Variants in EIPR1 observed in about 807,000 individuals in gnomAD.
The protein encoded by EIPR1 is EARP and GARP complex-interacting protein 1.
In EIPR1, 25 loss-of-function variants were observed where a neutral mutation model predicts 48.1. That is an observed-to-expected ratio of 0.52 (90% CI 0.38 to 0.73). The LOEUF (loss-of-function observed/expected upper bound fraction) is 0.73. EIPR1 is among the 30% of genes least tolerant of loss of function. The pLI, the probability that EIPR1 is intolerant of heterozygous loss-of-function variation, is 0.00. For missense variants in EIPR1, 415 were observed against 506.2 expected, an observed-to-expected ratio of 0.82 and a Z score of 1.73; for synonymous variants, 204 against 201.9, an observed-to-expected ratio of 1.01 and a Z score of -0.09.
chr2:3,337,457 T>C (rs1670101946), intron 3 of EIPR1, among the ~76,000 whole-genome samples: 1 of 152,144 alleles, frequency 6.6e-6, no homozygotes, highest in South Asian at 2.1e-4. Flanking sequence ...TAGAAAGTAC[T>C]CATTGACGAT....
intron 3 of EIPR1, among the ~76,000 whole-genome samples, chr2:3,266,959 A>G (rs1471972750): frequency 6.6e-6 from 1 of 152,180 alleles, no homozygotes; most frequent in Non-Finnish European, 1.5e-5. Context: ...AGTTTAGGGG[A>G]ACCCAGGTCC....
At chr2:3,307,463 GA>G (rs1308787276) in intron 3 of EIPR1, among the ~76,000 whole-genome samples, 1 of 152,212 alleles carries the variant, frequency 6.6e-6, no homozygotes, top group Non-Finnish European at 1.5e-5. Context: ...TGGGGCCCCA[GA>G]AAGCAGGCCT....
intron 1 of EIPR1, among the ~76,000 whole-genome samples, chr2:3,375,440 A>G (rs1365917355): frequency 1.3e-5 from 2 of 152,204 alleles, no homozygotes; most frequent in East Asian, 3.8e-4. Context: ...AACCTCAAAG[A>G]TACAATACTG....
At chr2:3,336,254 A>G (rs1193373494) in intron 3 of EIPR1, among the ~76,000 whole-genome samples, 1 of 152,188 alleles carries the variant, frequency 6.6e-6, no homozygotes, top group African/African-American at 2.4e-5. Flanking sequence ...AGCCTCAGGA[A>G]ATCTACTGAA....
At chr2:3,190,250 G>A (rs1044710192) in intron 8 of EIPR1, among the ~76,000 whole-genome samples, 4 of 152,206 alleles carry the variant, frequency 2.6e-5, no homozygotes, top group Non-Finnish European at 5.9e-5. Flanking sequence ...CCACTTTCCG[G>A]TGGACACAGG....
At chr2:3,299,048 T>C (rs762568042) in intron 3 of EIPR1, among the ~76,000 whole-genome samples, 2 of 152,176 alleles carry the variant, frequency 1.3e-5, no homozygotes, top group Non-Finnish European at 2.9e-5. Context: ...AGCCCCACCA[T>C]AGCACTATTA....
intron 1 of EIPR1, among the ~76,000 whole-genome samples, chr2:3,357,332 G>C (rs1258967441): frequency 2.0e-5 from 3 of 152,210 alleles, no homozygotes; most frequent in Non-Finnish European, 4.4e-5. Flanking sequence ...AGTAACAATG[G>C]CAGCTGTGAG....
chr2:3,208,628 G>A, intron 5 of EIPR1: 1 of 1,550,616 alleles, frequency 6.4e-7, no homozygotes. Flanking sequence ...ATTTGGCCAT[G>A]GCATTCTGGT....
At chr2:3,322,610 C>T (rs1028279682) in intron 3 of EIPR1, among the ~76,000 whole-genome samples, 10 of 152,304 alleles carry the variant, frequency 6.6e-5, no homozygotes, top group South Asian at 6.2e-4. Context: ...TGACTGTGGA[C>T]GCCCTAACTT....
intron 4 of EIPR1, among the ~76,000 whole-genome samples, chr2:3,246,720 C>T (rs1212814246): frequency 6.7e-6 from 1 of 148,840 alleles, no homozygotes; most frequent in African/African-American, 2.5e-5. Context: ...AGCCTCCTCC[C>T]TGCCGGGGTG....
chr2:3,228,734 C>T (rs931566679), intron 4 of EIPR1, among the ~76,000 whole-genome samples: 1 of 150,016 alleles, frequency 6.7e-6, no homozygotes, highest in African/African-American at 2.5e-5. Flanking sequence ...TTCTCCCATG[C>T]TGTTCTTGTG....
At chr2:3,298,463 G>T (rs963826256) in intron 3 of EIPR1, 1 of 152,002 alleles carries the variant, frequency 6.6e-6, no homozygotes, top group Non-Finnish European at 1.5e-5. Flanking sequence ...TCATGCCCTT[G>T]AAAGAGATAA....
At chr2:3,315,139 C>T (rs1231166961) in intron 3 of EIPR1, among the ~76,000 whole-genome samples, 2 of 112,946 alleles carry the variant, frequency 1.8e-5, no homozygotes, top group Non-Finnish European at 3.3e-5. Flanking sequence ...ATCATCATCA[C>T]TAGCATCGCC....
At chr2:3,352,597 T>A (rs190116449) in intron 2 of EIPR1, among the ~76,000 whole-genome samples, 177 of 152,372 alleles carry the variant, frequency 1.2e-3, no homozygotes, top group Non-Finnish European at 2.2e-3. Flanking sequence ...TGTTGACATA[T>A]CCTCTGAAGG....
chr2:3,199,278 T>C (rs1025657576), intron 5 of EIPR1, among the ~76,000 whole-genome samples: 1 of 152,168 alleles, frequency 6.6e-6, no homozygotes, highest in African/African-American at 2.4e-5. Flanking sequence ...AGATTTCATA[T>C]TGTTCAAACA....
chr2:3,311,720 G>A (rs1293301055), intron 3 of EIPR1, among the ~76,000 whole-genome samples: 1 of 151,950 alleles, frequency 6.6e-6, no homozygotes, highest in Non-Finnish European at 1.5e-5. Context: ...CTCCAGTCAC[G>A]AGGTGTGGGC....
intron 3 of EIPR1, among the ~76,000 whole-genome samples, chr2:3,310,944 T>C (rs1669111535): frequency 6.6e-6 from 1 of 152,070 alleles, no homozygotes; most frequent in Non-Finnish European, 1.5e-5. Flanking sequence ...GGGTAAAAAA[T>C]AAATTTTTCT....
Position 3,192,458 on chromosome 2 carries a change from G to C in EIPR1, c.945C>G (p.Asp315Glu). The C allele has an allele frequency of 2.5e-6, 4 of 1,612,830 alleles. No individual in the cohort carries two copies. Among genetic ancestry groups the C allele is most frequent in the Non-Finnish European group, 3.4e-6 (4 of 1,179,678 alleles). The change falls in exon 8 of 9, where the codon GAC (aspartate) becomes GAG (glutamate). Residue 315 changes from aspartate (D) to glutamate (E), a missense_variant. Coordinates refer to ENST00000382125, the MANE Select transcript of EIPR1 (RefSeq NM_003310.5). Reference sequence around the variant, plus strand: ...CCTCCTGGTCACTGATGTCATCGTCGTCTACCAAGTGGCCGAAGGGCTCCG... The same window carrying C: ...CCTCCTGGTCACTGATGTCATCGTCCTCTACCAAGTGGCCGAAGGGCTCCG... ...ISSEPFGHLV[D>E]DDDISDQEDH...
intron 3 of EIPR1, among the ~76,000 whole-genome samples, chr2:3,330,647 G>A (rs1669860149): frequency 6.6e-6 from 1 of 151,562 alleles, no homozygotes; most frequent in South Asian, 2.1e-4. Flanking sequence ...ACACTCATAA[G>A]ACAGTGTGAG....
Sources: allele counts gnomAD v4.1 joint callset (sites outside exome capture counted in the v4.1 genomes callset), GRCh38; gene constraint gnomAD v4.1.1; transcripts MANE v1.5; gene names NCBI Gene and HGNC (gene_info 2026-07-23, HGNC 2026-07-21).